PCCA: variants seen among roughly 807,000 people sequenced by gnomAD.
PCCA encodes the protein propionyl-CoA carboxylase alpha chain, mitochondrial.
A neutral mutation model predicts 101.3 loss-of-function variants in PCCA; 74 were observed. That is an observed-to-expected ratio of 0.73 (90% CI 0.61 to 0.89). The LOEUF (loss-of-function observed/expected upper bound fraction) is 0.89. Among genes scored for constraint, PCCA ranks in the 40% least tolerant of loss-of-function variants. The pLI, the probability that PCCA is intolerant of heterozygous loss-of-function variation, is 0.00. For missense variants in PCCA, 891 were observed against 907.0 expected (o/e 0.98, Z 0.23); for synonymous variants, 294 against 313.6 (o/e 0.94, Z 0.66).
chr13:100,200,582 C>T (rs993685639), intron 6 of PCCA, among the ~76,000 whole-genome samples: 55 of 150,938 alleles, frequency 3.6e-4, no homozygotes, highest in African/African-American at 1.2e-3. Flanking sequence ...TTAACATATA[C>T]GTTTTATGTT....
At chr13:100,522,252 C>T (rs112454375) in intron 22 of PCCA, among the ~76,000 whole-genome samples, 1 of 152,144 alleles carries the variant, frequency 6.6e-6, no homozygotes, top group Non-Finnish European at 1.5e-5. Flanking sequence ...TATAATCTGG[C>T]GTACATTGTG....
At chr13:100,308,866 G>C (rs1014561601) in intron 15 of PCCA, among the ~76,000 whole-genome samples, 2 of 152,092 alleles carry the variant, frequency 1.3e-5, no homozygotes, top group Non-Finnish European at 2.9e-5. Flanking sequence ...TAATATAACT[G>C]CCAGAAAAAT....
intron 9 of PCCA, 60 bp downstream of exon 9, chr13:100,257,733 A>G: frequency 1.7e-6 from 2 of 1,168,490 alleles, no homozygotes; most frequent in Non-Finnish European, 1.3e-6. Context: ...GTTTTATTAA[A>G]CTGACAGGTA....
At chr13:100,146,566 C>A (rs2052591499) in intron 4 of PCCA, among the ~76,000 whole-genome samples, 1 of 147,024 alleles carries the variant, frequency 6.8e-6, no homozygotes, top group Non-Finnish European at 1.5e-5. Context: ...CAGAGTGAGA[C>A]TCTGTCTCAA....
chr13:100,352,448 A>G, intron 18 of PCCA, among the ~76,000 whole-genome samples: 1 of 146,136 alleles, frequency 6.8e-6, no homozygotes. Context: ...CCCAGTCTGG[A>G]GTGCAGTGGC....
intron 21 of PCCA, among the ~76,000 whole-genome samples, chr13:100,492,958 A>T (rs58655424): frequency 0.34 from 51,297 of 151,380 alleles, 9,275 homozygotes; most frequent in East Asian, 0.57. Flanking sequence ...CCATCCTTCA[A>T]GTCTGGGTGA....
chr13:100,348,367 A>T (rs901711020), intron 18 of PCCA, among the ~76,000 whole-genome samples: 5 of 152,242 alleles, frequency 3.3e-5, no homozygotes, highest in African/African-American at 1.2e-4. Context: ...TTAATGTCAG[A>T]AACAATAGCC....
intron 7 of PCCA, among the ~76,000 whole-genome samples, chr13:100,228,090 A>G (rs2152508358): frequency 6.6e-6 from 1 of 152,050 alleles, no homozygotes; most frequent in East Asian, 1.9e-4. Context: ...ATCTCGGCTC[A>G]CTGCAACTTC....
intron 12 of PCCA, among the ~76,000 whole-genome samples, chr13:100,283,533 A>G (rs2064316673): frequency 6.6e-6 from 1 of 152,342 alleles, no homozygotes; most frequent in South Asian, 2.1e-4. Flanking sequence ...GAATCACTTG[A>G]GGGTCAATTG....
At chr13:100,418,726 CGGGAGGCTGAGGT>C (rs1007250756) in intron 19 of PCCA, among the ~76,000 whole-genome samples, 3 of 151,526 alleles carry the variant, frequency 2.0e-5, no homozygotes, top group Admixed American at 6.6e-5. Flanking sequence ...CCCAACTACT[CGGGAGGCTGAGGT>C]GGGAGAATCA....
intron 20 of PCCA, among the ~76,000 whole-genome samples, chr13:100,443,816 G>T (rs999760148): frequency 6.6e-6 from 1 of 152,094 alleles, no homozygotes; most frequent in Non-Finnish European, 1.5e-5. Flanking sequence ...AAGGTCCTAG[G>T]TCTGAATCAG....
At chr13:100,189,512 T>A (rs541151113) in intron 6 of PCCA, among the ~76,000 whole-genome samples, 1 of 152,224 alleles carries the variant, frequency 6.6e-6, no homozygotes, top group Non-Finnish European at 1.5e-5. Flanking sequence ...TTGTTGGATG[T>A]TTAGATTGCG....
chr13:100,193,363 A>G (rs762550344), intron 6 of PCCA, among the ~76,000 whole-genome samples: 2 of 152,210 alleles, frequency 1.3e-5, no homozygotes, highest in African/African-American at 4.8e-5. Context: ...AAGAGAAGAT[A>G]TAAAAAAACG....
In PCCA at chr13:100,221,025, T is replaced by A. The variant is rs1174464041; in HGVS notation, c.600+11562T>A. On this transcript the variant is annotated intron_variant, in intron 7 of 23. Coordinates refer to ENST00000376285, the MANE Select transcript of PCCA (RefSeq NM_000282.4). ...AAATACTCAAGGTTCCCAGGTAAAT[T>A]GTGTTCTATTTGGATGATGATCTGA... Among the ~76,000 whole-genome samples the A allele has an allele frequency of 2.0e-5, 3 of 152,132 alleles. No individual in the cohort carries two copies. The East Asian group carries it at 5.8e-4, about 29-fold the overall frequency.
chr13:100,357,548 A>T (rs2074076475), intron 18 of PCCA, among the ~76,000 whole-genome samples: 1 of 152,192 alleles, frequency 6.6e-6, no homozygotes, highest in Non-Finnish European at 1.5e-5. Flanking sequence ...ACAACACGGA[A>T]AAGTTTCAGT....
intron 11 of PCCA, 57 bp downstream of exon 11, chr13:100,268,840 AT>A (rs369172116): frequency 2.3e-5 from 23 of 981,356 alleles, no homozygotes; most frequent in Non-Finnish European, 3.5e-5. Flanking sequence ...TCATTCATTC[AT>A]TCATTCATTC....
intron 18 of PCCA, among the ~76,000 whole-genome samples, chr13:100,353,187 C>T (rs2073495385): frequency 6.6e-6 from 1 of 152,188 alleles, no homozygotes; most frequent in Admixed American, 6.5e-5. Flanking sequence ...TTCCACAATA[C>T]ATCACTTTGA....
chr13:100,292,273 ATT>A, intron 12 of PCCA, among the ~76,000 whole-genome samples: 3 of 152,314 alleles, frequency 2.0e-5, no homozygotes, highest in Middle Eastern at 6.8e-3. Flanking sequence ...TCATTTAATC[ATT>A]GTTTTTGTTA....
intron 12 of PCCA, among the ~76,000 whole-genome samples, chr13:100,278,827 C>G (rs779490585): frequency 6.6e-6 from 1 of 152,084 alleles, no homozygotes; most frequent in African/African-American, 2.4e-5. Flanking sequence ...TCAAGACTAT[C>G]TAAGTACCTA....
Sources: gnomAD v4.1 joint callset for allele counts (sites outside exome capture counted in the v4.1 genomes callset) on GRCh38, gnomAD v4.1.1 for gene constraint, MANE v1.5 for transcripts, NCBI Gene and HGNC (gene_info 2026-07-23, HGNC 2026-07-21) for gene names.